The following DOCK5 variants were observed in gnomAD, a reference collection of about 807,000 sequenced individuals.
DOCK5 encodes the protein dedicator of cytokinesis 5.
A neutral mutation model predicts 251.8 loss-of-function variants in DOCK5; 142 were observed. That is an observed-to-expected ratio of 0.56 (90% CI 0.49 to 0.65). The LOEUF is 0.65. Among genes scored for constraint, DOCK5 ranks in the 30% least tolerant of loss-of-function variants. The probability of loss-of-function intolerance (pLI) is 0.00; values close to 1 mark genes in which losing one functional copy is unlikely to be tolerated. For synonymous variants in DOCK5, 842 were observed against 835.5 expected (o/e 1.01, Z -0.13); for missense variants, 2,111 against 2,312.3 (o/e 0.91, Z 1.79).
At chr8:25,197,197 T>C (rs1215582177) in intron 1 of DOCK5, among the ~76,000 whole-genome samples, 1 of 152,194 alleles carries the variant, frequency 6.6e-6, no homozygotes, top group Non-Finnish European at 1.5e-5. Context: ...TCCGGAATAA[T>C]GGGGGTTTTA....
rs1484316449 is a variant in DOCK5 at position 25,224,961 on chromosome 8, T to C, written c.44-18713T>C. ...AAAAGACGTTTCTTCAAAGAAGATATGTAAATGGCCACGAGCATATGAAAA... is the reference window on the plus strand; with the variant it reads ...AAAAGACGTTTCTTCAAAGAAGATACGTAAATGGCCACGAGCATATGAAAA... On this transcript the variant is annotated intron_variant, in intron 1 of 51. Coordinates refer to ENST00000276440, the MANE Select transcript of DOCK5 (RefSeq NM_024940.8). Among the ~76,000 whole-genome samples the C allele has an allele frequency of 3.9e-5, 6 of 152,182 alleles. 1 individual carries two copies. The highest frequency in any genetic ancestry group is 7.3e-5 in the Non-Finnish European group (5 of 68,042).
At chr8:25,376,183 A>G (rs567675225) in intron 37 of DOCK5, 16 of 984,774 alleles carry the variant, frequency 1.6e-5, no homozygotes, top group Non-Finnish European at 1.9e-5. Flanking sequence ...CCATTGTATG[A>G]TCAGAAAGAA....
At chr8:25,299,441 T>C (rs1043413135) in intron 8 of DOCK5, 3 of 218,136 alleles carry the variant, frequency 1.4e-5, no homozygotes, top group Non-Finnish European at 2.7e-5. Flanking sequence ...CAGTATTCTG[T>C]ATGATGCTAT....
In DOCK5 at chr8:25,260,454, A is replaced by C. The variant is rs570466260; in HGVS notation, c.128-8391A>C. 2.6e-5 allele frequency among the ~76,000 whole-genome samples: 4 copies of C among 151,594 alleles called. No individual in the cohort carries two copies. The South Asian group carries it at 8.3e-4, about 32-fold the overall frequency. ...GGTAAAACTAATTTATCTTGTGATC[A>C]GAAAGTAGGGAGAGATTTTATAAAA... On this transcript the variant is annotated intron_variant, in intron 2 of 51. Transcript: ENST00000276440.
intron 25 of DOCK5, among the ~76,000 whole-genome samples, chr8:25,345,037 GTATTTATAGGAACTT>G (rs1800332433): frequency 1.3e-5 from 2 of 151,962 alleles, no homozygotes; most frequent in African/African-American, 4.8e-5. Flanking sequence ...GGGAAGCTCA[GTATTTATAGGAACTT>G]TATTTATAGG....
intron 10 of DOCK5, among the ~76,000 whole-genome samples, chr8:25,302,879 G>A (rs1586310727): frequency 6.6e-6 from 1 of 152,162 alleles, no homozygotes; most frequent in Non-Finnish European, 1.5e-5. Flanking sequence ...CTCAGAGACA[G>A]TATAGAGTGG....
chr8:25,243,651 C>T (rs1803017018), intron 1 of DOCK5, 23 bp from the exon 2 acceptor site: 1 of 1,608,234 alleles, frequency 6.2e-7, no homozygotes, highest in Non-Finnish European at 8.5e-7. Flanking sequence ...TTCTAATTTC[C>T]CTTTTTTATT....
chr8:25,193,016 C>T (rs1037682800), intron 1 of DOCK5, among the ~76,000 whole-genome samples: 2 of 152,148 alleles, frequency 1.3e-5, no homozygotes, highest in Non-Finnish European at 2.9e-5. Flanking sequence ...GAGCCCCAGA[C>T]CTGCTTTTTC....
At chr8:25,303,918 A>G (rs918983278) in intron 10 of DOCK5, among the ~76,000 whole-genome samples, 1 of 152,180 alleles carries the variant, frequency 6.6e-6, no homozygotes, top group Non-Finnish European at 1.5e-5. Context: ...ATGAGCCAAG[A>G]TTGTGCCACT....
intron 49 of DOCK5, 97 bp downstream of exon 49, chr8:25,408,251 G>T (rs1050730011): frequency 3.7e-6 from 5 of 1,349,750 alleles, no homozygotes; most frequent in Non-Finnish European, 3.0e-6. Context: ...TTGAAGCTGG[G>T]CTATGGCTTG....
intron 5 of DOCK5, among the ~76,000 whole-genome samples, chr8:25,281,726 A>G (rs1804199007): frequency 1.3e-5 from 2 of 151,796 alleles, no homozygotes; most frequent in South Asian, 2.1e-4. Context: ...TAAAAATACA[A>G]AAATTAGCTG....
At chr8:25,272,008 A>AATAC (rs1336318272) in intron 3 of DOCK5, among the ~76,000 whole-genome samples, 1 of 152,184 alleles carries the variant, frequency 6.6e-6, no homozygotes, top group East Asian at 1.9e-4. Flanking sequence ...CTATATAACT[A>AATAC]ATACATACAT....
Position 25,410,119 on chromosome 8 carries a change from G to A in DOCK5, c.5425G>A (p.Asp1809Asn). 6.2e-7 allele frequency: 1 copy of A among 1,613,598 alleles called. No individual in the cohort carries two copies. Among genetic ancestry groups the A allele is most frequent in the Non-Finnish European group, 8.5e-7 (1 of 1,179,792 alleles). The change falls in exon 51 of 52, where the codon GAT (aspartate) becomes AAT (asparagine). Residue 1809 changes from aspartate (D) to asparagine (N), a missense_variant. This residue lies in a region of DOCK5 where 1,717 missense variants were observed against 1,892.4 expected (regional missense o/e 0.91). Transcript: ENST00000276440. Reference protein sequence around the residue: ...RTLSSPSLQTDGIAATPVPPP... With the variant: ...RTLSSPSLQTNGIAATPVPPP... ...TCTAGGCTCCCCATCGTTGCAGACA[G>A]ATGGAATCGCGGCCACTCCTGTCCC...
chr8:25,363,066 T>C lies in DOCK5; in HGVS notation c.2969T>C (p.Phe990Ser). The C allele has an allele frequency of 6.2e-7, 1 of 1,614,004 alleles. No individual in the cohort carries two copies. The highest frequency in any genetic ancestry group is 2.2e-5 in the East Asian group (1 of 44,876). ...QDIIDFLMET[F>S]IMFKDLIGKN... ...CCGCAGGACTTCCTCATGGAAACTT[T>C]TATCATGTTCAAGGACCTGATTGGA... Residue 990 changes from phenylalanine to serine, a missense_variant, in exon 29 of 52, where the codon TTT (phenylalanine) becomes TCT (serine). Phe to Ser is a radical substitution (Grantham distance 155). Transcript: ENST00000276440.
intron 37 of DOCK5, chr8:25,376,204 T>G (rs1306899916): frequency 1.0e-6 from 1 of 985,166 alleles, no homozygotes; most frequent in African/African-American, 1.7e-5. Context: ...ATCCCCAGTG[T>G]CTGTAACTGT....
intron 26 of DOCK5, among the ~76,000 whole-genome samples, 186 bp downstream of exon 26, chr8:25,345,797 C>A (rs1800355363): frequency 6.6e-6 from 1 of 151,998 alleles, no homozygotes; most frequent in Admixed American, 6.5e-5. Flanking sequence ...ACTGCTGGGG[C>A]CTTCTGCAGG....
At chr8:25,362,999 T>C in intron 28 of DOCK5, 48 bp from the exon 29 acceptor site, 8 of 1,433,010 alleles carry the variant, frequency 5.6e-6, no homozygotes, top group Non-Finnish European at 7.9e-6. Context: ...GAATAAAGAC[T>C]ATGAACGTAA....
chr8:25,398,154 G>T (rs970894390), intron 45 of DOCK5, among the ~76,000 whole-genome samples: 3 of 152,120 alleles, frequency 2.0e-5, no homozygotes, highest in African/African-American at 7.2e-5. Flanking sequence ...GAATTTCAGG[G>T]CTCTCTGCTC....
Position 25,382,642 on chromosome 8 carries a change from C to G in DOCK5, c.4027-32C>G, listed in dbSNP as rs1315168264. 3 of 1,535,438 alleles carry G rather than the reference C, an allele frequency of 2.0e-6. No homozygotes were observed. In the Admixed American group the frequency reaches 5.7e-5, roughly 29 times the overall value. On this transcript the variant is annotated intron_variant, in intron 39 of 51. Transcript: ENST00000276440. ...TTTCCCCCAACTGTGTACTTATAAC[C>G]TCCCCTTGGAATGTCTTGTTTTGTT...
Sources: allele counts gnomAD v4.1 joint callset (sites outside exome capture counted in the v4.1 genomes callset), GRCh38; gene constraint gnomAD v4.1.1; regional missense constraint gnomAD v4.1.1; transcripts MANE v1.5; gene names NCBI Gene and HGNC (gene_info 2026-07-23, HGNC 2026-07-21).